RAB11FIP3: variants seen among roughly 807,000 people sequenced by gnomAD.
RAB11FIP3 encodes the protein RAB11 family interacting protein 3, also known as rab11 family-interacting protein 3.
Under a neutral mutation model 77.8 loss-of-function variants are expected in RAB11FIP3, and 17 were observed. The observed-to-expected ratio is 0.22, with a 90% CI of 0.15 to 0.33. RAB11FIP3 has a LOEUF of 0.33. RAB11FIP3 is among the 10% of genes least tolerant of loss of function. The pLI is 1.00. For missense variants in RAB11FIP3, 1,005 were observed against 1,011.2 expected, an observed-to-expected ratio of 0.99 and a Z score of 0.08; for synonymous variants, 437 against 448.2, an observed-to-expected ratio of 0.98 and a Z score of 0.31.
chr16:448,473 A>T (rs2055353193), intron 1 of RAB11FIP3, among the ~76,000 whole-genome samples: 1 of 152,156 alleles, frequency 6.6e-6, no homozygotes, highest in Non-Finnish European at 1.5e-5. Context: ...GCGGTGGCTC[A>T]TGCCTGTAAT....
intron 1 of RAB11FIP3, among the ~76,000 whole-genome samples, chr16:428,843 C>A (rs1409505402): frequency 6.6e-6 from 1 of 152,092 alleles, no homozygotes; most frequent in African/African-American, 2.4e-5. Flanking sequence ...TGGGGCTGAG[C>A]TTTCTTGTCA....
Position 461,360 on chromosome 16 carries a change from G to A in RAB11FIP3, c.715-44G>A, listed in dbSNP as rs1275677526. 1.3e-6 allele frequency: 2 copies of A among 1,534,474 alleles called. No individual in the cohort carries two copies. The highest frequency in any genetic ancestry group is 4.7e-5 in the East Asian group (2 of 42,712). The stretch of plus-strand genomic sequence containing the variant: ...CCGAGGTCCAGGGTTGGGGACCCCT[G>A]CTGTAAAGGCTTAGGGTAACCTAGT... On this transcript the variant is annotated intron_variant, in intron 1 of 13. Coordinates refer to ENST00000262305, the MANE Select transcript of RAB11FIP3 (RefSeq NM_014700.4). The surrounding 1 kb of genome is among the most constrained non-coding windows in gnomAD (Gnocchi z 4.5).
At chr16:485,141 C>T (rs1244000369) in intron 4 of RAB11FIP3, among the ~76,000 whole-genome samples, 1 of 152,062 alleles carries the variant, frequency 6.6e-6, no homozygotes, top group Admixed American at 6.6e-5. Context: ...CACGCAGCCC[C>T]CGTGGCAACT....
rs555295731 is a variant in RAB11FIP3, at chr16:429,649, G to A, written c.714+2929G>A. On this transcript the variant is annotated intron_variant, in intron 1 of 13. Coordinates refer to ENST00000262305, the MANE Select transcript of RAB11FIP3 (RefSeq NM_014700.4). ...CGAGTAGCTGGGATTACCGGTGCCCGTCACCACACCTGGCTATTTTTTGTA... is the reference window on the plus strand; with the variant it reads ...CGAGTAGCTGGGATTACCGGTGCCCATCACCACACCTGGCTATTTTTTGTA... Among the ~76,000 whole-genome samples, 17 of 151,992 alleles carry A rather than the reference G, an allele frequency of 1.1e-4. No homozygotes were observed. In the East Asian group the frequency reaches 2.7e-3, roughly 24 times the overall value.
In RAB11FIP3 at chr16:487,558, G is replaced by A. The variant is rs377137193; in HGVS notation, c.1116-1293G>A. Among the ~76,000 whole-genome samples the A allele has an allele frequency of 6.2e-4, 95 of 152,308 alleles. 1 individual carries two copies. In the South Asian group the frequency reaches 6.4e-3, roughly 10 times the overall value. ...ACAGTGGGTCCGGGCGGAGCAGAGCGCGCGGTCCTCCTGACTCTGCCCCCT... is the reference window on the plus strand; with the variant it reads ...ACAGTGGGTCCGGGCGGAGCAGAGCACGCGGTCCTCCTGACTCTGCCCCCT... On this transcript the variant is annotated intron_variant, in intron 4 of 13. Coordinates refer to ENST00000262305, the MANE Select transcript of RAB11FIP3 (RefSeq NM_014700.4).
chr16:464,344 A>G lies in RAB11FIP3; in HGVS notation c.808+2847A>G, dbSNP rs185319795. Reference sequence around the variant, plus strand: ...AGGTGTGTACTTTATACATTTATTTAACGTTTGTCCTTCTGTACAAAGCTT... The same window carrying G: ...AGGTGTGTACTTTATACATTTATTTGACGTTTGTCCTTCTGTACAAAGCTT... On this transcript the variant is annotated intron_variant, in intron 2 of 13. Transcript: ENST00000262305. Among the ~76,000 whole-genome samples, 33 of 152,298 alleles carry G rather than the reference A, an allele frequency of 2.2e-4. No individual in the cohort carries two copies. The East Asian group carries it at 6.4e-3, about 29-fold the overall frequency.
rs946993060 is a variant in RAB11FIP3, at chr16:461,036, C to T, written c.715-368C>T. On this transcript the variant is annotated intron_variant, in intron 1 of 13. Coordinates refer to ENST00000262305, the MANE Select transcript of RAB11FIP3 (RefSeq NM_014700.4). This position sits in a 1 kb window ranked among gnomAD's most constrained non-coding sequence, Gnocchi z 4.5. ...ACAGCCTAATCCCGATTCCCTAAAGCGGCCCGCAGCCTTCTTGGCACCAGG... is the reference window on the plus strand; with the variant it reads ...ACAGCCTAATCCCGATTCCCTAAAGTGGCCCGCAGCCTTCTTGGCACCAGG... Among the ~76,000 whole-genome samples the T allele has an allele frequency of 1.1e-4, 16 of 150,982 alleles. No homozygotes were observed. The highest frequency in any genetic ancestry group is 2.1e-4 in the South Asian group (1 of 4,836).
rs146424080 is a variant in RAB11FIP3, at chr16:485,766, T to G, written c.1115+3030T>G. 5.7e-4 allele frequency among the ~76,000 whole-genome samples: 87 copies of G among 152,368 alleles called. 1 individual carries two copies. The South Asian group carries it at 6.4e-3, about 11-fold the overall frequency. On this transcript the variant is annotated intron_variant, in intron 4 of 13. Transcript: ENST00000262305. ...GAGCTTATCCATTTTTCTTTTATGT[T>G]TATTAGCACTTTTGTGTCCCACTTG...
chr16:436,587 T>A (rs1410609897), intron 1 of RAB11FIP3, among the ~76,000 whole-genome samples: 1 of 152,102 alleles, frequency 6.6e-6, no homozygotes, highest in Non-Finnish European at 1.5e-5. Flanking sequence ...GTTCAAGAGA[T>A]TCTCCTGCCT....
In RAB11FIP3 at chr16:503,082, G is replaced by A; in HGVS notation, c.1380G>A (p.Glu460=). Residue 460 remains glutamate, a synonymous_variant, in exon 7 of 14, where the codon GAG becomes GAA. Coordinates refer to ENST00000262305, the MANE Select transcript of RAB11FIP3 (RefSeq NM_014700.4). The stretch of plus-strand genomic sequence containing the variant: ...CCGAGCTCATGGAGGGCCCAGAGGA[G>A]GACATTGCTGACAAGGTAGGCCCTG... ...PSPELMEGPE[E]DIADKVVFLE... 1 of 1,611,844 alleles carries A rather than the reference G, an allele frequency of 6.2e-7. No individual in the cohort carries two copies. Among genetic ancestry groups the A allele is most frequent in the Non-Finnish European group, 8.5e-7 (1 of 1,178,786 alleles).
chr16:450,991 A>G (rs2141613342), intron 1 of RAB11FIP3, among the ~76,000 whole-genome samples: 1 of 151,450 alleles, frequency 6.6e-6, no homozygotes, highest in East Asian at 1.9e-4. Context: ...GAATGTGTGG[A>G]CTCTTTGGTT....
chr16:476,766 G>C (rs2055916940), intron 3 of RAB11FIP3, among the ~76,000 whole-genome samples: 1 of 142,594 alleles, frequency 7.0e-6, no homozygotes, highest in Non-Finnish European at 1.5e-5. Context: ...GACAGAGCAA[G>C]ACTCTGTCTC....
intron 3 of RAB11FIP3, chr16:474,765 C>G: frequency 1.5e-6 from 2 of 1,354,310 alleles, no homozygotes; most frequent in Non-Finnish European, 1.9e-6. Context: ...GTTTTCAGCC[C>G]TGACTGACTA....
chr16:447,373 G>A (rs2055334609), intron 1 of RAB11FIP3, among the ~76,000 whole-genome samples: 1 of 152,160 alleles, frequency 6.6e-6, no homozygotes, highest in Non-Finnish European at 1.5e-5. Context: ...CTGGAGTTCA[G>A]TGGCACAGTG....
intron 1 of RAB11FIP3, among the ~76,000 whole-genome samples, chr16:459,662 C>T (rs933421314): frequency 6.6e-6 from 1 of 151,718 alleles, no homozygotes; most frequent in Admixed American, 6.6e-5. Flanking sequence ...GTCTGGAACC[C>T]CTGACCTTCG....
intron 5 of RAB11FIP3, among the ~76,000 whole-genome samples, chr16:492,360 T>TCCCCGGGAGACCCGAGGCCGTCCAGAGCC: frequency 3.9e-5 from 1 of 25,628 alleles, no homozygotes; most frequent in African/African-American, 2.2e-4. Flanking sequence ...TTGAAGAGGG[T>TCCCCGGGAGACCCGAGGCCGTCCAGAGCC]CTTCCCGGGA....
intron 6 of RAB11FIP3, among the ~76,000 whole-genome samples, chr16:498,383 CA>C (rs1454041311): frequency 6.6e-6 from 1 of 152,156 alleles, no homozygotes; most frequent in African/African-American, 2.4e-5. Context: ...CTACGTTGCC[CA>C]GACTGATCTT....
chr16:519,188 G>A, intron 10 of RAB11FIP3, 164 bp downstream of exon 10: 2 of 685,902 alleles, frequency 2.9e-6, no homozygotes, highest in South Asian at 3.7e-5. Flanking sequence ...ACTGGACCGT[G>A]CTCCACCCAC....
intron 4 of RAB11FIP3, among the ~76,000 whole-genome samples, chr16:488,157 G>A (rs566609992): frequency 1.5e-4 from 23 of 152,286 alleles, no homozygotes; most frequent in Admixed American, 7.2e-4. Flanking sequence ...GAGGTGGGTG[G>A]ATCACGAGGT....
Sources: allele counts gnomAD v4.1 joint callset (sites outside exome capture counted in the v4.1 genomes callset), GRCh38; gene constraint gnomAD v4.1.1; non-coding constraint Gnocchi (gnomAD v3.1); transcripts MANE v1.5; gene names NCBI Gene and HGNC (gene_info 2026-07-23, HGNC 2026-07-21).